Variants in MRPS18A observed in about 807,000 individuals in gnomAD.
The protein encoded by MRPS18A is large ribosomal subunit protein mL66.
MRPS18A carries 20 observed loss-of-function variants against 22.7 expected under a neutral mutation model. The ratio of observed to expected loss-of-function variants is 0.88; its 90% confidence interval spans 0.62 to 1.28. The LOEUF (loss-of-function observed/expected upper bound fraction) is 1.28, where lower values mean the gene tolerates loss of function less well. MRPS18A is among the 50% of genes most tolerant of loss of function. The probability of loss-of-function intolerance (pLI) is 0.00; values close to 1 mark genes in which losing one functional copy is unlikely to be tolerated. For synonymous variants in MRPS18A, 106 were observed against 99.1 expected, an observed-to-expected ratio of 1.07 and a Z score of -0.41; for missense variants, 294 against 262.6, an observed-to-expected ratio of 1.12 and a Z score of -0.83.
chr6:43,680,873 A>G (rs1774360529), intron 2 of MRPS18A, among the ~76,000 whole-genome samples: 1 of 152,226 alleles, frequency 6.6e-6, no homozygotes, highest in Non-Finnish European at 1.5e-5. Context: ...CACTTTCATC[A>G]AATAGCAGAT....
chr6:43,674,688 T>A (rs16896636), intron 5 of MRPS18A, among the ~76,000 whole-genome samples: 9,063 of 152,314 alleles, frequency 0.06, 391 homozygotes, highest in East Asian at 0.21. Flanking sequence ...GTATGAACTC[T>A]GGGCCTCCTA....
At position 43,687,749 on chromosome 6, in the gene MRPS18A, A is replaced by G; in HGVS notation, c.31T>C (p.Cys11Arg). 1 of 1,584,912 alleles carries G rather than the reference A, an allele frequency of 6.3e-7. No individual in the cohort carries two copies. Among genetic ancestry groups the G allele is most frequent in the Non-Finnish European group, 8.6e-7 (1 of 1,165,584 alleles). Residue 11 changes from cysteine to arginine, a missense_variant, in exon 1 of 6, where the codon TGT becomes CGT. Physicochemically the swap from Cys to Arg is radical, Grantham distance 180. Coordinates refer to ENST00000372133, the MANE Select transcript of MRPS18A (RefSeq NM_018135.4). ...AGTAGCCCACGGAGAAGCCGCCCACAGCCGGACACCAGAGCCTTGAGGGCC... is the reference window on the plus strand; with the variant it reads ...AGTAGCCCACGGAGAAGCCGCCCACGGCCGGACACCAGAGCCTTGAGGGCC... MAALKALVSG[C>R]GRLLRGLLAG...
At chr6:43,684,093 G>A (rs1774557359) in intron 1 of MRPS18A, among the ~76,000 whole-genome samples, 1 of 152,020 alleles carries the variant, frequency 6.6e-6, no homozygotes, top group Admixed American at 6.6e-5. Flanking sequence ...GGGCAACACA[G>A]CAAGACCTTG....
Position 43,675,193 on chromosome 6 carries a change from C to T in MRPS18A, c.446+9G>A. Reference sequence around the variant, plus strand: ...AACGCTCAGGTTGTTCACACCCAGGCTTGCTTACCGGTTGAGTTGGGGTTT... The same window carrying T: ...AACGCTCAGGTTGTTCACACCCAGGTTTGCTTACCGGTTGAGTTGGGGTTT... On this transcript the variant is annotated intron_variant, in intron 5 of 5. Transcript: ENST00000372133. 1 of 1,512,430 alleles carries T rather than the reference C, an allele frequency of 6.6e-7. No individual in the cohort carries two copies. The highest frequency in any genetic ancestry group is 8.8e-7 in the Non-Finnish European group (1 of 1,131,358). 93.7% of individuals were successfully genotyped at this position (1,512,430 alleles called of 1,614,324 possible).
At chr6:43,682,242 C>A (rs542704237) in intron 1 of MRPS18A, among the ~76,000 whole-genome samples, 1 of 152,110 alleles carries the variant, frequency 6.6e-6, no homozygotes, top group Non-Finnish European at 1.5e-5. Flanking sequence ...GAGGCTGCAG[C>A]GAGCCATGAT....
intron 1 of MRPS18A, among the ~76,000 whole-genome samples, chr6:43,682,338 T>C (rs1774468369): frequency 6.6e-6 from 1 of 152,010 alleles, no homozygotes; most frequent in Admixed American, 6.6e-5. Context: ...GAAGGGACCA[T>C]CTAACTAAAA....
In MRPS18A at chr6:43,675,556, G is replaced by C; in HGVS notation, c.314C>G (p.Thr105Arg). The change falls in exon 4 of 6, where the codon ACA becomes AGA. Residue 105 changes from threonine to arginine, a missense_variant. By Grantham distance (71) the Thr-to-Arg change is moderately conservative (BLOSUM62 -1). Coordinates refer to ENST00000372133, the MANE Select transcript of MRPS18A (RefSeq NM_018135.4). ...PHGGMLPRKI[T>R]GLCQEEHRKI... is the part of the protein sequence containing the mutation. ...GCGGTGTTCTTCCTGGCATAGGCCT[G>C]TGATCTTTCGGGGCAGCATGCCTCC... is the stretch of plus-strand genomic sequence containing the variant. The C allele has an allele frequency of 1.9e-6, 3 of 1,614,094 alleles. No homozygotes were observed. Among genetic ancestry groups the C allele is most frequent in the Non-Finnish European group, 2.5e-6 (3 of 1,180,028 alleles).
chr6:43,678,255 A>C lies in MRPS18A; in HGVS notation c.252+263T>G, dbSNP rs143301396. Among the ~76,000 whole-genome samples, 243 of 152,254 alleles carry C rather than the reference A, an allele frequency of 1.6e-3. 3 individuals are homozygous for C. The East Asian group carries it at 0.042, about 26-fold the overall frequency. On this transcript the variant is annotated intron_variant, in intron 3 of 5. Transcript: ENST00000372133. ...GAAGATGGTGATGGGTCTTCTTCAG[A>C]GGGAGAGCTGCGGTGAATGAGACCA... is the stretch of plus-strand genomic sequence containing the variant.
chr6:43,686,561 T>G (rs1774709442), intron 1 of MRPS18A, among the ~76,000 whole-genome samples: 1 of 152,242 alleles, frequency 6.6e-6, no homozygotes, highest in Non-Finnish European at 1.5e-5. Flanking sequence ...CTATTGAAAT[T>G]GCTGTTTGAA....
intron 3 of MRPS18A, 133 bp from the exon 4 acceptor site, chr6:43,675,750 A>C: frequency 9.6e-7 from 1 of 1,044,238 alleles, no homozygotes; most frequent in Non-Finnish European, 1.4e-6. Context: ...CTCCACACAG[A>C]GCTTTGCACA....
chr6:43,687,408 C>T (rs762542257), intron 1 of MRPS18A, among the ~76,000 whole-genome samples: 8 of 152,172 alleles, frequency 5.3e-5, no homozygotes, highest in Non-Finnish European at 1.2e-4. Flanking sequence ...AGCCCTAGGA[C>T]AGGTTTAGTG....
chr6:43,671,804 G>C lies in MRPS18A; in HGVS notation c.549C>G (p.Asp183Glu). Residue 183 changes from aspartate to glutamate, a missense_variant, in exon 6 of 6, where the codon GAC (aspartate) becomes GAG (glutamate). Coordinates refer to ENST00000372133, the MANE Select transcript of MRPS18A (RefSeq NM_018135.4). ...RMPVGSPLLR[D>E]NVCYSRTPWK... ...AAGGTGTTCTTGAGTAGCAGACATT[G>C]TCCCTCAGAAGGGGTGACCCCACGG... 1 of 1,614,214 alleles carries C rather than the reference G, an allele frequency of 6.2e-7. No homozygotes were observed. The highest frequency in any genetic ancestry group is 8.5e-7 in the Non-Finnish European group (1 of 1,180,036).
At chr6:43,684,612 C>G (rs1384472578) in intron 1 of MRPS18A, among the ~76,000 whole-genome samples, 1 of 152,162 alleles carries the variant, frequency 6.6e-6, no homozygotes, top group Non-Finnish European at 1.5e-5. Context: ...TTTCTTCCCA[C>G]TAGCAGGTTA....
intron 5 of MRPS18A, chr6:43,672,229 T>A: frequency 2.2e-6 from 1 of 448,374 alleles, no homozygotes. Flanking sequence ...GAAGAGCAGA[T>A]CATTCCTCTC....
At chr6:43,674,550 A>T (rs1773942817) in intron 5 of MRPS18A, among the ~76,000 whole-genome samples, 1 of 152,168 alleles carries the variant, frequency 6.6e-6, no homozygotes, top group Non-Finnish European at 1.5e-5. Flanking sequence ...AGGAGGGAAG[A>T]AGGGAACTTG....
intron 5 of MRPS18A, chr6:43,672,318 G>C (rs770367012): frequency 2.2e-6 from 1 of 462,428 alleles, no homozygotes; most frequent in Admixed American, 2.4e-5. Context: ...GGCTCACTCA[G>C]CTACCCCAAC....
At position 43,687,585 on chromosome 6, in the gene MRPS18A, T is replaced by TAGG. The variant is rs919027720; in HGVS notation, c.112+80_112+82dup. 7.4e-6 allele frequency: 9 copies of TAGG among 1,223,282 alleles called. No individual in the cohort carries two copies. In the African/African-American group the frequency reaches 1.4e-4, roughly 19 times the overall value. 75.8% of individuals were successfully genotyped at this position (1,223,282 alleles called of 1,614,324 possible). A position where few individuals can be genotyped will look rare whatever the true frequency, so the allele number is the denominator to read the frequency against. On this transcript the variant is annotated intron_variant, in intron 1 of 5. Transcript: ENST00000372133. Reference sequence around the variant, plus strand: ...GTTTCAGAATCGGACGAAGGAAAGGTAGGAAGGAGCGCACCGGGGCTGGCG... The same window carrying TAGG: ...GTTTCAGAATCGGACGAAGGAAAGGTAGGAGGAAGGAGCGCACCGGGGCTGGCG...
intron 2 of MRPS18A, among the ~76,000 whole-genome samples, chr6:43,680,881 G>A (rs1774361007): frequency 6.6e-6 from 1 of 152,208 alleles, no homozygotes; most frequent in Non-Finnish European, 1.5e-5. Context: ...TCAAATAGCA[G>A]ATACCTCAGC....
At chr6:43,679,435 A>C (rs936659063) in intron 2 of MRPS18A, among the ~76,000 whole-genome samples, 2 of 152,236 alleles carry the variant, frequency 1.3e-5, no homozygotes, top group African/African-American at 4.8e-5. Context: ...TTTCTCTGTC[A>C]TGCTCCTTGC....
Sources: allele counts gnomAD v4.1 joint callset (sites outside exome capture counted in the v4.1 genomes callset), GRCh38; gene constraint gnomAD v4.1.1; transcripts MANE v1.5; gene names NCBI Gene and HGNC (gene_info 2026-07-23, HGNC 2026-07-21).